The following SLC35E2B variants were observed in gnomAD, a reference collection of about 807,000 sequenced individuals.
SLC35E2B encodes solute carrier family 35 member E2B, also known as solute carrier family 35, member E2B.
In SLC35E2B, 18 loss-of-function variants were observed where a neutral mutation model predicts 32.4. The observed-to-expected ratio is 0.56, with a 90% CI of 0.38 to 0.82. SLC35E2B has a LOEUF of 0.82. SLC35E2B is among the 40% of genes least tolerant of loss of function. SLC35E2B has a pLI of 0.00. For synonymous variants in SLC35E2B, 132 were observed against 209.1 expected, an observed-to-expected ratio of 0.63 and a Z score of 3.18; for missense variants, 263 against 469.5, an observed-to-expected ratio of 0.56 and a Z score of 4.06.
rs1038923552 is a variant in SLC35E2B at position 1,681,443 on chromosome 1, G to A, written c.-147-4597C>T. ...AGGATGGTCTCGATCTCCTGACCTC[G>A]TGATCCACCCACCTAGGCCTCCCAA... is the stretch of plus-strand genomic sequence containing the variant. On this transcript the variant is annotated intron_variant, in intron 2 of 9. Coordinates refer to ENST00000617444, the MANE Select transcript of SLC35E2B (RefSeq NM_001290264.2). Among the ~76,000 whole-genome samples, 30 of 150,954 alleles carry A rather than the reference G, an allele frequency of 2.0e-4. No homozygotes were observed. In the South Asian group the frequency reaches 3.4e-3, roughly 17 times the overall value.
At chr1:1,670,461 G>C (rs1481570396) in intron 6 of SLC35E2B, 1 of 228,820 alleles carries the variant, frequency 4.4e-6, no homozygotes, top group Non-Finnish European at 8.3e-6. Flanking sequence ...TGGCTCTGTC[G>C]CCCAGGCTGG....
At chr1:1,680,608 C>A (rs1643891846) in intron 2 of SLC35E2B, among the ~76,000 whole-genome samples, 1 of 152,096 alleles carries the variant, frequency 6.6e-6, no homozygotes, top group African/African-American at 2.4e-5. Flanking sequence ...GGTGACTGTC[C>A]CGTCCCTGCA....
At position 1,665,575 on chromosome 1, in the gene SLC35E2B, T is replaced by C; in HGVS notation, c.*207A>G. 1 of 733,488 alleles carries C rather than the reference T, an allele frequency of 1.4e-6. No individual in the cohort carries two copies. The highest frequency in any genetic ancestry group is 2.2e-6 in the Non-Finnish European group (1 of 459,738). The allele number at this position is 733,488 out of a possible 1,614,324, so 45.4% of individuals were successfully genotyped here. ...CTCGGCGGACACAGTCAGCTACTGG[T>C]CTGGTCTCTACTCCAGGAAGCTGAT... is the stretch of plus-strand genomic sequence containing the variant. On this transcript the variant is annotated 3_prime_UTR_variant, in exon 10 of 10. Coordinates refer to ENST00000617444, the MANE Select transcript of SLC35E2B (RefSeq NM_001290264.2).
chr1:1,688,709 G>C (rs1325183083), intron 2 of SLC35E2B, among the ~76,000 whole-genome samples: 6 of 151,790 alleles, frequency 4.0e-5, no homozygotes, highest in African/African-American at 1.5e-4. Context: ...CAAAGCATGT[G>C]TGAATCAGAG....
At chr1:1,690,204 C>G (rs1289461769) in intron 2 of SLC35E2B, among the ~76,000 whole-genome samples, 12 of 146,430 alleles carry the variant, frequency 8.2e-5, no homozygotes, top group East Asian at 2.0e-4. Context: ...CACTTGAACA[C>G]GGGAGGCAGA....
intron 9 of SLC35E2B, among the ~76,000 whole-genome samples, chr1:1,667,636 T>G (rs996731678): frequency 2.2e-4 from 34 of 152,198 alleles, no homozygotes; most frequent in Non-Finnish European, 3.1e-4. Flanking sequence ...ACATTTCAAG[T>G]GCTCAGAAGC....
At chr1:1,666,455 G>A (rs1376963686) in intron 9 of SLC35E2B, among the ~76,000 whole-genome samples, 1 of 152,102 alleles carries the variant, frequency 6.6e-6, no homozygotes, top group Admixed American at 6.5e-5. Context: ...TCAAATCCTG[G>A]GCTCAAGTGA....
intron 2 of SLC35E2B, among the ~76,000 whole-genome samples, chr1:1,688,999 G>A (rs1398357435): frequency 5.9e-5 from 9 of 151,924 alleles, no homozygotes; most frequent in South Asian, 2.1e-4. Context: ...GTGAAACCCC[G>A]TCTCTACCAA....
chr1:1,683,617 G>A (rs376657518), intron 2 of SLC35E2B, among the ~76,000 whole-genome samples: 18 of 152,032 alleles, frequency 1.2e-4, no homozygotes, highest in South Asian at 4.2e-4. Context: ...CTCCACCTTC[G>A]CTCGCTGCGT....
rs1643642991 is a variant in SLC35E2B, at chr1:1,669,929, G to A, written c.761+169C>T. 3 of 847,594 alleles carry A rather than the reference G, an allele frequency of 3.5e-6. No homozygotes were observed. In the East Asian group the frequency reaches 8.0e-5, roughly 23 times the overall value. The allele number at this position is 847,594 out of a possible 1,614,324, so 52.5% of individuals were successfully genotyped here. A position where few individuals can be genotyped will look rare whatever the true frequency, so the allele number is the denominator to read the frequency against. On this transcript the variant is annotated intron_variant, in intron 7 of 9. Transcript: ENST00000617444. ...CAGGCTGGCTGAGGGGCTCAAGGGA[G>A]TAGCTGAGAAACGGGCGGGTCCCTC...
intron 2 of SLC35E2B, among the ~76,000 whole-genome samples, chr1:1,688,784 G>GA (rs1176111263): frequency 3.9e-5 from 6 of 152,048 alleles, no homozygotes; most frequent in Non-Finnish European, 7.3e-5. Flanking sequence ...GAGGCGCAGG[G>GA]AGGGGGCGGC....
At chr1:1,685,414 GAAAA>G (rs571091862) in intron 2 of SLC35E2B, among the ~76,000 whole-genome samples, 1 of 102,812 alleles carries the variant, frequency 9.7e-6, no homozygotes, top group African/African-American at 3.7e-5. Flanking sequence ...CGTTTTCTCA[GAAAA>G]AAAAAAAAAA....
rs1643434608 is a variant in SLC35E2B, at chr1:1,662,645, G to C, written c.*3137C>G. The C allele has an allele frequency of 2.7e-6, 2 of 729,962 alleles. No homozygotes were observed. Among genetic ancestry groups the C allele is most frequent in the Admixed American group, 6.6e-5 (1 of 15,220 alleles). The allele number at this position is 729,962 out of a possible 1,614,324, so 45.2% of individuals were successfully genotyped here. On this transcript the variant is annotated 3_prime_UTR_variant, in exon 10 of 10. Transcript: ENST00000617444. ...CAGGCAGGCAGATTATTTTAATGCTGTTATACAGGGAATTGGGACTCTCGG... is the reference window on the plus strand; with the variant it reads ...CAGGCAGGCAGATTATTTTAATGCTCTTATACAGGGAATTGGGACTCTCGG...
rs1436162518 is a variant in SLC35E2B at position 1,663,208 on chromosome 1, C to T, written c.*2574G>A. On this transcript the variant is annotated 3_prime_UTR_variant, in exon 10 of 10. Transcript: ENST00000617444. ...CCTATTTGCTAATCCTTTGGAAAAA[C>T]GTTTGTTTCTGGTCCACAAACAGAA... 4.0e-5 allele frequency: 38 copies of T among 938,770 alleles called. No homozygotes were observed. The highest frequency in any genetic ancestry group is 5.4e-4 in the Middle Eastern group (1 of 1,864). The allele number at this position is 938,770 out of a possible 1,614,324, so 58.2% of individuals were successfully genotyped here. A position where few individuals can be genotyped will look rare whatever the true frequency, so the allele number is the denominator to read the frequency against.
intron 5 of SLC35E2B, chr1:1,672,694 G>A (rs1360565351): frequency 1.3e-5 from 2 of 152,368 alleles, no homozygotes; most frequent in African/African-American, 2.4e-5. Context: ...GGGTCCCCAT[G>A]GTGGGGCGCC....
chr1:1,680,758 A>T (rs1418920600), intron 2 of SLC35E2B, among the ~76,000 whole-genome samples: 1 of 147,454 alleles, frequency 6.8e-6, no homozygotes, highest in Admixed American at 6.8e-5. Context: ...TCTTCCCCCC[A>T]CGTAAACACC....
In SLC35E2B at chr1:1,669,754, C is replaced by T. The variant is rs531470291; in HGVS notation, c.762-18G>A. The T allele has an allele frequency of 4.3e-5, 66 of 1,548,316 alleles. 1 individual carries two copies. Among genetic ancestry groups the T allele is most frequent in the Admixed American group, 2.2e-4 (11 of 50,976 alleles). On this transcript the variant is annotated intron_variant, in intron 7 of 9. Transcript: ENST00000617444. ...CCGGGGCCCTGTGGGTGACAGAACA[C>T]GCTGGGCCCCCCGTGTCGGGACAGG... is the stretch of plus-strand genomic sequence containing the variant.
At chr1:1,668,120 G>A (rs1414540169) in intron 9 of SLC35E2B, among the ~76,000 whole-genome samples, 1 of 152,078 alleles carries the variant, frequency 6.6e-6, no homozygotes, top group African/African-American at 2.4e-5. Flanking sequence ...CTCAAGTGCT[G>A]GGATTACAGG....
intron 2 of SLC35E2B, among the ~76,000 whole-genome samples, chr1:1,689,407 C>T (rs1643993137): frequency 1.3e-5 from 2 of 151,618 alleles, no homozygotes; most frequent in African/African-American, 2.4e-5. Flanking sequence ...GGTGAATCCC[C>T]ACAATAGCCC....
Sources: allele counts gnomAD v4.1 joint callset (sites outside exome capture counted in the v4.1 genomes callset), GRCh38; gene constraint gnomAD v4.1.1; transcripts MANE v1.5; gene names NCBI Gene and HGNC (gene_info 2026-07-23, HGNC 2026-07-21).